Variants in ENOX1 observed in about 807,000 individuals in gnomAD.
ENOX1 encodes ecto-NOX disulfide-thiol exchanger 1.
A neutral mutation model predicts 82.5 loss-of-function variants in ENOX1; 42 were observed. The observed-to-expected ratio is 0.51, with a 90% confidence interval of 0.40 to 0.66. The LOEUF is 0.66. Among genes scored for constraint, ENOX1 ranks in the 30% least tolerant of loss-of-function variants. The pLI is 0.00. For missense variants in ENOX1, 608 were observed against 811.6 expected, an observed-to-expected ratio of 0.75 and a Z score of 3.05; for synonymous variants, 271 against 282.2, an observed-to-expected ratio of 0.96 and a Z score of 0.40.
intron 1 of ENOX1, among the ~76,000 whole-genome samples, chr13:43,684,304 G>A (rs752840558): frequency 2.6e-5 from 4 of 152,084 alleles, no homozygotes; most frequent in Admixed American, 6.6e-5. Flanking sequence ...TTGACTGTGT[G>A]GTAGACATAG....
chr13:43,376,654 A>G (rs1266883417), intron 5 of ENOX1, among the ~76,000 whole-genome samples: 2 of 152,248 alleles, frequency 1.3e-5, no homozygotes, highest in African/African-American at 2.4e-5. Context: ...ACAGCAGATT[A>G]TAACAGAAAG....
At chr13:43,265,306 G>T in intron 14 of ENOX1, 92 bp downstream of exon 14, 1 of 1,100,470 alleles carries the variant, frequency 9.1e-7, no homozygotes, top group Non-Finnish European at 1.3e-6. Flanking sequence ...CAGAGCTTCT[G>T]ATTTCCTTTA....
chr13:43,582,677 G>T (rs957510472), intron 2 of ENOX1, among the ~76,000 whole-genome samples: 1 of 152,082 alleles, frequency 6.6e-6, no homozygotes, highest in Non-Finnish European at 1.5e-5. Context: ...AGGCTCATGG[G>T]TTGCTCCCAC....
intron 11 of ENOX1, among the ~76,000 whole-genome samples, chr13:43,308,340 G>A (rs532645591): frequency 6.6e-6 from 1 of 152,244 alleles, no homozygotes; most frequent in Non-Finnish European, 1.5e-5. Context: ...GTCCACTACA[G>A]ATTTTTATAC....
intron 16 of ENOX1, among the ~76,000 whole-genome samples, chr13:43,222,266 T>C (rs1345734036): frequency 6.6e-6 from 1 of 152,074 alleles, no homozygotes; most frequent in Non-Finnish European, 1.5e-5. Context: ...AAATCTTACC[T>C]GAGCCCTGAG....
chr13:43,559,527 T>A (rs6561129), intron 2 of ENOX1, among the ~76,000 whole-genome samples: 1 of 152,154 alleles, frequency 6.6e-6, no homozygotes, highest in African/African-American at 2.4e-5. Flanking sequence ...GCAGATTAGA[T>A]GACTTCTGAA....
At chr13:43,307,738 G>C (rs1397671914) in intron 11 of ENOX1, among the ~76,000 whole-genome samples, 1 of 152,156 alleles carries the variant, frequency 6.6e-6, no homozygotes, top group Non-Finnish European at 1.5e-5. Flanking sequence ...GAATGCTTGC[G>C]TAAATCCTAC....
At chr13:43,523,770 G>C (rs1208945339) in intron 2 of ENOX1, among the ~76,000 whole-genome samples, 1 of 152,002 alleles carries the variant, frequency 6.6e-6, no homozygotes, top group African/African-American at 2.4e-5. Flanking sequence ...CTGAGGTATT[G>C]TTCTGATTCC....
chr13:43,721,589 G>A (rs1381290336), intron 1 of ENOX1, among the ~76,000 whole-genome samples: 1 of 151,374 alleles, frequency 6.6e-6, no homozygotes, highest in Non-Finnish European at 1.5e-5. Context: ...CGTTTTAGCC[G>A]GGATGGTCTC....
At chr13:43,525,945 A>G (rs1315187436) in intron 2 of ENOX1, among the ~76,000 whole-genome samples, 2 of 152,066 alleles carry the variant, frequency 1.3e-5, no homozygotes, top group Admixed American at 1.3e-4. Flanking sequence ...TAAATAATTT[A>G]TATTCTTCAT....
chr13:43,751,874 C>T lies in ENOX1; in HGVS notation c.-285+34778G>A, dbSNP rs1363536481. On this transcript the variant is annotated intron_variant, in intron 1 of 16. Coordinates refer to ENST00000690772, the MANE Select transcript of ENOX1 (RefSeq NM_001347969.2). ...ACAAGTCTTTGTACAGACACGTGTT[C>T]TTTCCTCTTGGGGAAAAACTGAGGA... 3.3e-5 allele frequency among the ~76,000 whole-genome samples: 5 copies of T among 152,142 alleles called. No individual in the cohort carries two copies. In the East Asian group the frequency reaches 9.6e-4, roughly 29 times the overall value.
intron 1 of ENOX1, among the ~76,000 whole-genome samples, chr13:43,768,836 C>G (rs1951432093): frequency 1.3e-5 from 2 of 152,198 alleles, no homozygotes; most frequent in Non-Finnish European, 2.9e-5. Context: ...ATCCGATTTC[C>G]TCGTTGTCTG....
At chr13:43,282,071 TA>T (rs1566413410) in intron 12 of ENOX1, among the ~76,000 whole-genome samples, 2 of 152,170 alleles carry the variant, frequency 1.3e-5, no homozygotes, top group African/African-American at 4.8e-5. Flanking sequence ...TCCAAGTTGT[TA>T]AAACCTTCAT....
intron 2 of ENOX1, among the ~76,000 whole-genome samples, chr13:43,522,202 A>C (rs2077801322): frequency 6.6e-6 from 1 of 152,154 alleles, no homozygotes; most frequent in Non-Finnish European, 1.5e-5. Context: ...AGATAATTCA[A>C]TATTTTTACT....
intron 2 of ENOX1, among the ~76,000 whole-genome samples, chr13:43,522,031 G>C (rs889532833): frequency 3.3e-5 from 5 of 152,080 alleles, no homozygotes; most frequent in Non-Finnish European, 7.4e-5. Flanking sequence ...AAGATCATAG[G>C]AGCAGCATTG....
intron 1 of ENOX1, among the ~76,000 whole-genome samples, chr13:43,722,442 T>C (rs570040091): frequency 1.3e-5 from 2 of 152,274 alleles, no homozygotes; most frequent in South Asian, 2.1e-4. Flanking sequence ...GAAAGGAGCA[T>C]GAGGAAAAAT....
At chr13:43,556,048 T>A (rs2153702306) in intron 2 of ENOX1, among the ~76,000 whole-genome samples, 1 of 152,290 alleles carries the variant, frequency 6.6e-6, no homozygotes, top group African/African-American at 2.4e-5. Flanking sequence ...CTTCCTAAAA[T>A]GAAAAGAACT....
intron 5 of ENOX1, among the ~76,000 whole-genome samples, chr13:43,379,252 C>A (rs924481375): frequency 2.6e-5 from 4 of 151,728 alleles, no homozygotes; most frequent in Non-Finnish European, 5.9e-5. Flanking sequence ...CCTGTTATAG[C>A]AATAGTAAAA....
chr13:43,275,573 AAC>A (rs71202257), intron 12 of ENOX1, among the ~76,000 whole-genome samples: 7,294 of 148,374 alleles, frequency 0.049, 217 homozygotes, highest in East Asian at 0.12. Context: ...GACTGACACC[AAC>A]ACACACACAC....
Sources: allele counts gnomAD v4.1 joint callset (sites outside exome capture counted in the v4.1 genomes callset), GRCh38; gene constraint gnomAD v4.1.1; transcripts MANE v1.5; gene names NCBI Gene and HGNC (gene_info 2026-07-23, HGNC 2026-07-21).